The following CAMK2D variants were observed in gnomAD, a reference collection of about 807,000 sequenced individuals.
CAMK2D encodes the protein calcium/calmodulin-dependent protein kinase type II subunit delta.
CAMK2D carries 37 observed loss-of-function variants against 84.0 expected under a neutral mutation model. The ratio of observed to expected loss-of-function variants is 0.44; its 90% CI spans 0.34 to 0.58. The LOEUF (loss-of-function observed/expected upper bound fraction) is 0.58. CAMK2D is among the 20% of genes least tolerant of loss of function. The pLI is 0.02. For synonymous variants in CAMK2D, 202 were observed against 212.5 expected (o/e 0.95, Z 0.43); for missense variants, 448 against 652.5 (o/e 0.69, Z 3.41).
chr4:113,540,376 G>A (rs746843813), intron 6 of CAMK2D, among the ~76,000 whole-genome samples: 23 of 152,242 alleles, frequency 1.5e-4, no homozygotes, highest in Non-Finnish European at 2.6e-4. Flanking sequence ...CCACTATTTT[G>A]ATTTTCTATT....
chr4:113,484,621 T>C (rs1339499651), intron 16 of CAMK2D, among the ~76,000 whole-genome samples: 1 of 152,172 alleles, frequency 6.6e-6, no homozygotes, highest in Admixed American at 6.5e-5. Flanking sequence ...AGACACCAAT[T>C]GGTTCTATTC....
chr4:113,660,735 G>C (rs28445073), intron 3 of CAMK2D, among the ~76,000 whole-genome samples: 14,834 of 150,784 alleles, frequency 0.098, 2,097 homozygotes, highest in African/African-American at 0.32. Flanking sequence ...ATTTAGCTGA[G>C]TAAAGTGATG....
At chr4:113,695,881 C>T (rs2099401183) in intron 2 of CAMK2D, among the ~76,000 whole-genome samples, 1 of 152,066 alleles carries the variant, frequency 6.6e-6, no homozygotes, top group African/African-American at 2.4e-5. Flanking sequence ...ACAGCTCTTG[C>T]TATGATCTGC....
chr4:113,567,668 T>C (rs375230342), intron 4 of CAMK2D, among the ~76,000 whole-genome samples: 1 of 152,370 alleles, frequency 6.6e-6, no homozygotes, highest in African/African-American at 2.4e-5. Flanking sequence ...AGTCACCTTA[T>C]GTTAGAACAA....
chr4:113,488,377 G>C (rs534230819), intron 16 of CAMK2D, among the ~76,000 whole-genome samples: 1 of 152,254 alleles, frequency 6.6e-6, no homozygotes, highest in South Asian at 2.1e-4. Flanking sequence ...ATTTATGCTG[G>C]AGGTTGCAAT....
intron 3 of CAMK2D, among the ~76,000 whole-genome samples, chr4:113,621,123 C>T (rs988730026): frequency 1.3e-5 from 2 of 151,944 alleles, no homozygotes; most frequent in Non-Finnish European, 2.9e-5. Flanking sequence ...GGTCTCACTA[C>T]GTTGTCTTGG....
At chr4:113,599,021 C>A (rs1031053381) in intron 4 of CAMK2D, among the ~76,000 whole-genome samples, 1 of 152,078 alleles carries the variant, frequency 6.6e-6, no homozygotes, top group African/African-American at 2.4e-5. Flanking sequence ...AGATACCTCA[C>A]CATAGAAGAA....
chr4:113,588,132 G>A (rs991701944), intron 4 of CAMK2D, among the ~76,000 whole-genome samples: 1 of 152,046 alleles, frequency 6.6e-6, no homozygotes, highest in African/African-American at 2.4e-5. Flanking sequence ...ATTAATCCAT[G>A]TATATACGTT....
intron 4 of CAMK2D, among the ~76,000 whole-genome samples, chr4:113,584,336 A>G (rs2098824262): frequency 6.6e-6 from 1 of 152,206 alleles, no homozygotes; most frequent in African/African-American, 2.4e-5. Flanking sequence ...AACGGTTTCA[A>G]AGCCCGAAGG....
chr4:113,627,122 GCT>G (rs2099071454), intron 3 of CAMK2D, among the ~76,000 whole-genome samples: 2 of 152,100 alleles, frequency 1.3e-5, no homozygotes, highest in South Asian at 4.2e-4. Flanking sequence ...GTCCTATGAT[GCT>G]CTCTTTGAAG....
intron 3 of CAMK2D, among the ~76,000 whole-genome samples, chr4:113,648,082 T>C (rs1278741139): frequency 2.0e-5 from 3 of 152,226 alleles, no homozygotes; most frequent in South Asian, 4.1e-4. Context: ...AGTTAAAATT[T>C]ATAGTCTTCC....
intron 4 of CAMK2D, among the ~76,000 whole-genome samples, chr4:113,592,708 A>T (rs2098896626): frequency 6.6e-6 from 1 of 152,162 alleles, no homozygotes; most frequent in Non-Finnish European, 1.5e-5. Context: ...GAAACAGATC[A>T]AACTAATAAT....
chr4:113,468,361 T>G (rs1290652311), intron 16 of CAMK2D, among the ~76,000 whole-genome samples: 1 of 152,186 alleles, frequency 6.6e-6, no homozygotes, highest in East Asian at 1.9e-4. Context: ...AGGATGCTTC[T>G]GTGCTGTATC....
chr4:113,699,630 A>G (rs1286345507), intron 2 of CAMK2D, among the ~76,000 whole-genome samples: 1 of 152,192 alleles, frequency 6.6e-6, no homozygotes, highest in Admixed American at 6.5e-5. Context: ...GGAATAAAAA[A>G]CAGCCCCACA....
chr4:113,685,239 C>CTT (rs568703311), intron 2 of CAMK2D, among the ~76,000 whole-genome samples: 3 of 137,622 alleles, frequency 2.2e-5, no homozygotes, highest in South Asian at 2.3e-4. Context: ...TTTCAGACTT[C>CTT]TTTTTTTTTT....
chr4:113,513,255 C>T (rs2098241241), intron 12 of CAMK2D, 73 bp downstream of exon 12: 1 of 1,578,330 alleles, frequency 6.3e-7, no homozygotes, highest in African/African-American at 1.4e-5. Context: ...TTTTAAAATT[C>T]CAGAGACAAA....
At chr4:113,577,882 G>C (rs1224758242) in intron 4 of CAMK2D, among the ~76,000 whole-genome samples, 1 of 152,058 alleles carries the variant, frequency 6.6e-6, no homozygotes, top group Non-Finnish European at 1.5e-5. Flanking sequence ...TCATGAAAGA[G>C]TGCACCTGAT....
At position 113,453,789 on chromosome 4, in the gene CAMK2D, T is replaced by A. The variant is rs1418198314; in HGVS notation, c.*756A>T. The A allele has an allele frequency of 6.6e-6, 1 of 152,252 alleles. No homozygotes were observed. The highest frequency in any genetic ancestry group is 1.5e-5 in the Non-Finnish European group (1 of 67,952). The allele number at this position is 152,252 out of a possible 1,614,324, so 9.4% of individuals were successfully genotyped here. ...AAAGAAACAGGATAAAGAAAAGAGA[T>A]CACAGATTTGAGAAAGAAAAACAAT... is the stretch of plus-strand genomic sequence containing the variant. On this transcript the variant is annotated 3_prime_UTR_variant, in exon 21 of 21. Transcript: ENST00000511664.
At chr4:113,639,563 C>T (rs1201743859) in intron 3 of CAMK2D, among the ~76,000 whole-genome samples, 1 of 152,028 alleles carries the variant, frequency 6.6e-6, no homozygotes, top group African/African-American at 2.4e-5. Context: ...TACACTACAA[C>T]ACCCACCCTA....
Sources: allele counts gnomAD v4.1 joint callset (sites outside exome capture counted in the v4.1 genomes callset), GRCh38; gene constraint gnomAD v4.1.1; transcripts MANE v1.5; gene names NCBI Gene and HGNC (gene_info 2026-07-23, HGNC 2026-07-21).